The following KCNQ5 variants were observed in gnomAD, a reference collection of about 807,000 sequenced individuals.
KCNQ5 encodes potassium voltage-gated channel subfamily Q member 5.
Under a neutral mutation model 98.2 loss-of-function variants are expected in KCNQ5, and 30 were observed. That is an observed-to-expected ratio of 0.31 (90% CI 0.23 to 0.41). The LOEUF is 0.41. Ranked by LOEUF, KCNQ5 falls within the 10% of genes least tolerant of loss-of-function variation. The pLI, the probability that KCNQ5 is intolerant of heterozygous loss-of-function variation, is 1.00. For missense variants in KCNQ5, 835 were observed against 1,182.5 expected, an observed-to-expected ratio of 0.71 and a Z score of 4.31; for synonymous variants, 458 against 449.4, an observed-to-expected ratio of 1.02 and a Z score of -0.24.
chr6:72,735,461 A>T (rs6922327), intron 1 of KCNQ5, among the ~76,000 whole-genome samples: 56,671 of 152,058 alleles, frequency 0.37, 14,026 homozygotes, highest in African/African-American at 0.67. Context: ...AAAGAGTTAT[A>T]CTTTTTGTAT....
intron 2 of KCNQ5, among the ~76,000 whole-genome samples, chr6:73,006,584 C>T (rs1769823929): frequency 6.6e-6 from 1 of 152,078 alleles, no homozygotes. Flanking sequence ...ACCCAGGAGG[C>T]GGAGGTTGCA....
rs1765834893 is a variant in KCNQ5, at chr6:73,197,583, ACACACACACACACACACACACACACAC to A, written c.*2170_*2196del. 1 of 23,542 alleles carries A rather than the reference ACACACACACACACACACACACACACAC, an allele frequency of 4.2e-5. No individual in the cohort carries two copies. The highest frequency in any genetic ancestry group is 1.2e-4 in the African/African-American group (1 of 8,410). The allele number at this position is 23,542 out of a possible 1,614,324, so 1.5% of individuals were successfully genotyped here. On this transcript the variant is annotated 3_prime_UTR_variant, in exon 14 of 14. Transcript: ENST00000370398. ...TCCCCCTTGCAAGAATGTTGCATAC[ACACACACACACACACACACACACACAC>A]ACACACACACACACACACACACACA...
intron 1 of KCNQ5, among the ~76,000 whole-genome samples, chr6:72,732,919 G>A (rs1770630629): frequency 6.6e-6 from 1 of 152,204 alleles, no homozygotes; most frequent in South Asian, 2.1e-4. Flanking sequence ...ATGGGGGAAA[G>A]AAAGGAGGAG....
intron 11 of KCNQ5, among the ~76,000 whole-genome samples, chr6:73,174,186 AC>A (rs1254274964): frequency 6.6e-6 from 1 of 152,020 alleles, no homozygotes; most frequent in East Asian, 1.9e-4. Flanking sequence ...ATGGATTGGT[AC>A]CCAAGAGTTG....
intron 1 of KCNQ5, among the ~76,000 whole-genome samples, chr6:72,757,002 T>C (rs1488995395): frequency 6.6e-6 from 1 of 152,138 alleles, no homozygotes; most frequent in Non-Finnish European, 1.5e-5. Flanking sequence ...TATTGAAAGC[T>C]GCCTTCCAAA....
chr6:73,050,292 AAGGAAGGAAGGAAGGAAGGG>A (rs1177496983), intron 3 of KCNQ5, among the ~76,000 whole-genome samples: 20 of 130,200 alleles, frequency 1.5e-4, no homozygotes, highest in East Asian at 5.0e-4. Flanking sequence ...GGAAGGAAGG[AAGGAAGGAAGGAAGGAAGGG>A]AGGGAAGAAG....
intron 1 of KCNQ5, among the ~76,000 whole-genome samples, chr6:72,643,121 G>A (rs1039736623): frequency 2.0e-5 from 3 of 152,104 alleles, no homozygotes; most frequent in African/African-American, 7.2e-5. Context: ...GGTGGAAGTT[G>A]GGAGGAGGGA....
intron 9 of KCNQ5, among the ~76,000 whole-genome samples, chr6:73,128,917 G>C (rs1034526121): frequency 2.0e-5 from 3 of 152,234 alleles, no homozygotes; most frequent in South Asian, 2.1e-4. Context: ...TTGGCTTTTG[G>C]GGGAAGGGGG....
chr6:72,877,536 G>T (rs571115957), intron 1 of KCNQ5, among the ~76,000 whole-genome samples: 1 of 152,274 alleles, frequency 6.6e-6, no homozygotes, highest in East Asian at 1.9e-4. Context: ...ACATGTGCAT[G>T]TATCTTTATA....
At chr6:72,979,757 A>G (rs1440207941) in intron 1 of KCNQ5, among the ~76,000 whole-genome samples, 1 of 152,164 alleles carries the variant, frequency 6.6e-6, no homozygotes, top group East Asian at 1.9e-4. Context: ...GCCTGTGCCT[A>G]TGTCCTGAAT....
intron 1 of KCNQ5, among the ~76,000 whole-genome samples, chr6:72,706,237 TA>T (rs1335467378): frequency 1.3e-5 from 2 of 152,012 alleles, no homozygotes; most frequent in African/African-American, 4.8e-5. Context: ...CTTATTTTAT[TA>T]AAGCAGAAAC....
chr6:73,067,210 A>G (rs1464971663), intron 3 of KCNQ5, among the ~76,000 whole-genome samples: 1 of 152,160 alleles, frequency 6.6e-6, no homozygotes, highest in Non-Finnish European at 1.5e-5. Context: ...CAAAAGAGAA[A>G]CACGGGAAAA....
At chr6:72,803,226 G>A (rs866827177) in intron 1 of KCNQ5, among the ~76,000 whole-genome samples, 10 of 152,276 alleles carry the variant, frequency 6.6e-5, no homozygotes, top group Non-Finnish European at 1.0e-4. Flanking sequence ...GGCATGCAAT[G>A]CCACGTACAC....
chr6:72,995,636 A>C (rs146439878), intron 1 of KCNQ5, among the ~76,000 whole-genome samples: 83 of 152,288 alleles, frequency 5.5e-4, no homozygotes, highest in African/African-American at 1.8e-3. Flanking sequence ...GGTGCTCCAA[A>C]GTCAAGATAT....
intron 1 of KCNQ5, among the ~76,000 whole-genome samples, chr6:72,768,587 C>T (rs772130829): frequency 6.6e-6 from 1 of 151,812 alleles, no homozygotes; most frequent in Non-Finnish European, 1.5e-5. Context: ...AGAATGAGTC[C>T]ACATGGAAAA....
intron 1 of KCNQ5, among the ~76,000 whole-genome samples, chr6:72,854,750 A>C (rs571441610): frequency 5.0e-4 from 42 of 84,426 alleles, no homozygotes; most frequent in African/African-American, 1.7e-3. Flanking sequence ...ACACACACAC[A>C]CCATGGTTTG....
At chr6:72,844,895 T>C (rs1776955315) in intron 1 of KCNQ5, among the ~76,000 whole-genome samples, 1 of 152,166 alleles carries the variant, frequency 6.6e-6, no homozygotes, top group African/African-American at 2.4e-5. Flanking sequence ...CTTCGTAAAT[T>C]ATAGCTCCAT....
At chr6:72,696,291 A>G (rs1215062307) in intron 1 of KCNQ5, among the ~76,000 whole-genome samples, 1 of 152,222 alleles carries the variant, frequency 6.6e-6, no homozygotes, top group East Asian at 1.9e-4. Context: ...AATAAAATGA[A>G]TTATGGTAAT....
At chr6:73,175,212 G>A (rs965362362) in intron 11 of KCNQ5, among the ~76,000 whole-genome samples, 10 of 151,884 alleles carry the variant, frequency 6.6e-5, no homozygotes, top group East Asian at 5.8e-4. Context: ...GTGCAACGGC[G>A]CGATCTTGGC....
Sources: allele counts gnomAD v4.1 joint callset (sites outside exome capture counted in the v4.1 genomes callset), GRCh38; gene constraint gnomAD v4.1.1; transcripts MANE v1.5; gene names NCBI Gene and HGNC (gene_info 2026-07-23, HGNC 2026-07-21).